Variants in TKFC observed in about 807,000 individuals in gnomAD.
The protein encoded by TKFC is triokinase and FMN cyclase.
Under a neutral mutation model 61.0 loss-of-function variants are expected in TKFC, and 46 were observed. That is an observed-to-expected ratio of 0.75 (90% CI 0.60 to 0.96). The LOEUF (loss-of-function observed/expected upper bound fraction) is 0.96, where lower values mean the gene tolerates loss of function less well. Among genes scored for constraint, TKFC ranks in the 50% least tolerant of loss-of-function variants. The probability of loss-of-function intolerance (pLI) is 0.00; values close to 1 mark genes in which losing one functional copy is unlikely to be tolerated. For missense variants in TKFC, 715 were observed against 777.5 expected (o/e 0.92, Z 0.96); for synonymous variants, 314 against 330.1 (o/e 0.95, Z 0.53).
rs747273345 is a variant in TKFC at position 61,341,537 on chromosome 11, G to A, written c.565+23G>A. Reference sequence around the variant, plus strand: ...TGGGTGAGTGCTGGCCTGGGAGCTGGGGAAGAGAGTGGGGAAGGTTGGACA... The same window carrying A: ...TGGGTGAGTGCTGGCCTGGGAGCTGAGGAAGAGAGTGGGGAAGGTTGGACA... On this transcript the variant is annotated intron_variant, in intron 6 of 17. Coordinates refer to ENST00000394900, the MANE Select transcript of TKFC (RefSeq NM_015533.4). The A allele has an allele frequency of 5.2e-6, 8 of 1,553,062 alleles. 1 individual carries two copies. The South Asian group carries it at 9.5e-5, about 18-fold the overall frequency.
rs565269461 is a variant in TKFC, at chr11:61,333,337, A to G, written c.-110+8A>G. 4 of 180,762 alleles carry G rather than the reference A, an allele frequency of 2.2e-5. No homozygotes were observed. The highest frequency in any genetic ancestry group is 4.6e-5 in the Non-Finnish European group (4 of 86,948). The allele number at this position is 180,762 out of a possible 1,614,324, so 11.2% of individuals were successfully genotyped here. Reference sequence around the variant, plus strand: ...CGTGAGCCGGCGGGGGAGGTGCGCCAGTGTCCTCCGAGCTCGCCCGCAGAC... The same window carrying G: ...CGTGAGCCGGCGGGGGAGGTGCGCCGGTGTCCTCCGAGCTCGCCCGCAGAC... On this transcript the variant is annotated splice_region_variant and intron_variant, in intron 1 of 17. Coordinates refer to ENST00000394900, the MANE Select transcript of TKFC (RefSeq NM_015533.4).
chr11:61,336,795 G>A (rs774757646), intron 2 of TKFC, among the ~76,000 whole-genome samples: 10 of 152,078 alleles, frequency 6.6e-5, no homozygotes, highest in Non-Finnish European at 1.3e-4. Context: ...CCCTCCACCA[G>A]CCTGTCCACA....
rs1300990644 is a variant in TKFC, at chr11:61,346,060, T to G, written c.1575+114T>G. ...CTTCCTGGACCGCAGTTTCCTTCTCTGTACAATGGAGATGAGCACCTATCT... is the reference window on the plus strand; with the variant it reads ...CTTCCTGGACCGCAGTTTCCTTCTCGGTACAATGGAGATGAGCACCTATCT... On this transcript the variant is annotated intron_variant, in intron 17 of 17. Transcript: ENST00000394900. This position sits in a 1 kb window ranked among gnomAD's most constrained non-coding sequence, Gnocchi z 4.1. 1.6e-6 allele frequency: 2 copies of G among 1,222,926 alleles called. No individual in the cohort carries two copies. Among genetic ancestry groups the G allele is most frequent in the African/African-American group, 3.0e-5 (2 of 66,266 alleles). The allele number at this position is 1,222,926 out of a possible 1,614,324, so 75.8% of individuals were successfully genotyped here.
downstream of TKFC, chr11:61,352,989 T>C (rs781013959): frequency 1.4e-5 from 23 of 1,613,978 alleles, no homozygotes; most frequent in Non-Finnish European, 1.8e-5. Context: ...ACTCACAAAC[T>C]GAAGAAAAGC....
At chr11:61,350,000 G>A (rs1857322419), downstream of TKFC, 1 of 469,924 alleles carries the variant, frequency 2.1e-6, no homozygotes, top group Admixed American at 3.4e-5. Context: ...CTTCAGACAG[G>A]AGCAGCAAGA....
downstream of TKFC, chr11:61,351,251 G>GTCC (rs1025773204): frequency 3.0e-4 from 368 of 1,223,594 alleles, no homozygotes; most frequent in Non-Finnish European, 3.7e-4. Flanking sequence ...ACCTTCCCGG[G>GTCC]TCCATATGTG....
In TKFC at chr11:61,341,911, G is replaced by A. The variant is rs1309704299; in HGVS notation, c.654G>A (p.Leu218=). 1 of 1,611,624 alleles carries A rather than the reference G, an allele frequency of 6.2e-7. No individual in the cohort carries two copies. The highest frequency in any genetic ancestry group is 8.5e-7 in the Non-Finnish European group (1 of 1,178,616). The part of the protein sequence containing the change: ...ELSADEVELG[L]GIHGEAGVRR... ...CAGCCGACGAGGTGGAGCTGGGCCT[G>A]GGTAAGCTTGTGGCCATCCATCCCA... is the stretch of plus-strand genomic sequence containing the variant. Residue 218 remains leucine, a splice_region_variant and synonymous_variant, in exon 7 of 18, where the codon CTG becomes CTA. Transcript: ENST00000394900.
intron 3 of TKFC, 91 bp downstream of exon 3, chr11:61,338,221 G>T: frequency 1.6e-6 from 2 of 1,283,162 alleles, no homozygotes; most frequent in Admixed American, 3.1e-5. Context: ...GCAGGATGGA[G>T]CTCAGCCCAG....
chr11:61,334,917 G>A (rs1442393173), intron 2 of TKFC, among the ~76,000 whole-genome samples, 186 bp downstream of exon 2: 1 of 152,178 alleles, frequency 6.6e-6, no homozygotes, highest in Non-Finnish European at 1.5e-5. Context: ...TTTCCTGGAG[G>A]CTGCTGGTCC....
In TKFC at chr11:61,347,641, C is replaced by T. The variant is rs895618879; in HGVS notation, c.*1138C>T. 6 of 985,170 alleles carry T rather than the reference C, an allele frequency of 6.1e-6. No homozygotes were observed. In the African/African-American group the frequency reaches 1.0e-4, roughly 17 times the overall value. 61.0% of individuals were successfully genotyped at this position (985,170 alleles called of 1,614,324 possible). ...CCAGGGTGAGCAGGGGCACTGTATG[C>T]ATGTGGAGACAAACAGCACATGCCT... On this transcript the variant is annotated 3_prime_UTR_variant, in exon 18 of 18. Transcript: ENST00000394900.
At position 61,346,135 on chromosome 11, in the gene TKFC, C is replaced by CT. The variant is rs1590581823; in HGVS notation, c.1575+190dup. 4.9e-6 allele frequency: 6 copies of CT among 1,233,264 alleles called. No homozygotes were observed. In the East Asian group the frequency reaches 1.5e-4, roughly 31 times the overall value. 76.4% of individuals were successfully genotyped at this position (1,233,264 alleles called of 1,614,324 possible). A position where few individuals can be genotyped will look rare whatever the true frequency, so the allele number is the denominator to read the frequency against. On this transcript the variant is annotated intron_variant, in intron 17 of 17. Coordinates refer to ENST00000394900, the MANE Select transcript of TKFC (RefSeq NM_015533.4). The surrounding 1 kb of genome is among the most constrained non-coding windows in gnomAD (Gnocchi z 4.1). ...AAATATGTAGAGCCCCGCACACTGC[C>CT]TGGGATGTGACAGGGCCTCAGTGAA...
chr11:61,352,039 C>A (rs1034760862), downstream of TKFC: 3 of 152,186 alleles, frequency 2.0e-5, no homozygotes, highest in Non-Finnish European at 2.9e-5. Flanking sequence ...CTGTAATAAT[C>A]CTTTTACCCA....
chr11:61,341,805 A>T lies in TKFC; in HGVS notation c.566-18A>T. 1.2e-6 allele frequency: 2 copies of T among 1,609,578 alleles called. No individual in the cohort carries two copies. The highest frequency in any genetic ancestry group is 2.2e-5 in the East Asian group (1 of 44,852). ...CTAAGAGTGGAACAGTCATCCCTTCATGCCTTGTTTCTCATAGGTACCCTG... is the reference window on the plus strand; with the variant it reads ...CTAAGAGTGGAACAGTCATCCCTTCTTGCCTTGTTTCTCATAGGTACCCTG... On this transcript the variant is annotated intron_variant, in intron 6 of 17. Transcript: ENST00000394900.
downstream of TKFC, chr11:61,351,256 TATGTGATC>T: frequency 8.4e-7 from 1 of 1,187,606 alleles, no homozygotes; most frequent in Non-Finnish European, 1.1e-6. Flanking sequence ...CCCGGGTCCA[TATGTGATC>T]TAGAATTTTA....
chr11:61,349,344 C>A, downstream of TKFC: 1 of 559,570 alleles, frequency 1.8e-6, no homozygotes, highest in African/African-American at 1.9e-5. Context: ...GGCTGCTGCA[C>A]ACTGGACACC....
chr11:61,345,476 C>G lies in TKFC; in HGVS notation c.1362C>G (p.Phe454Leu), dbSNP rs768527391. The part of the protein sequence containing the change: ...GGSSGALYGL[F>L]LTAAAQPLKA... ...ATCTTCCCCAGCTCTATGGCCTGTT[C>G]CTGACTGCGGCTGCACAGCCCCTGA... Residue 454 changes from phenylalanine to leucine, a missense_variant, in exon 15 of 18, where the codon TTC becomes TTG. Transcript: ENST00000394900. 3.1e-6 allele frequency: 5 copies of G among 1,613,232 alleles called. No individual in the cohort carries two copies. The South Asian group carries it at 3.3e-5, about 11-fold the overall frequency.
downstream of TKFC, chr11:61,350,782 GGACA>G (rs1461544504): frequency 1.5e-6 from 1 of 675,972 alleles, no homozygotes; most frequent in Non-Finnish European, 2.4e-6. Context: ...GTCTCCCAAT[GGACA>G]GACTGGGGAG....
At chr11:61,333,994 C>T (rs1856497924) in intron 1 of TKFC, 1 of 152,434 alleles carries the variant, frequency 6.6e-6, no homozygotes, top group Non-Finnish European at 1.5e-5. Flanking sequence ...GAGGCCAACA[C>T]GCTGCTGAAC....
At position 61,333,984 on chromosome 11, in the gene TKFC, G is replaced by C. The variant is rs188603589; in HGVS notation, c.-109-636G>C. On this transcript the variant is annotated intron_variant, in intron 1 of 17. Coordinates refer to ENST00000394900, the MANE Select transcript of TKFC (RefSeq NM_015533.4). Reference sequence around the variant, plus strand: ...ATTCTTCCTATTGTGCACCCACACAGAGGCCAACACGCTGCTGAACCAGGC... The same window carrying C: ...ATTCTTCCTATTGTGCACCCACACACAGGCCAACACGCTGCTGAACCAGGC... 6 of 152,546 alleles carry C rather than the reference G, an allele frequency of 3.9e-5. No homozygotes were observed. The East Asian group carries it at 5.8e-4, about 15-fold the overall frequency. The allele number at this position is 152,546 out of a possible 1,614,324, so 9.4% of individuals were successfully genotyped here.
Sources: gnomAD v4.1 joint callset for allele counts (sites outside exome capture counted in the v4.1 genomes callset) on GRCh38, gnomAD v4.1.1 for gene constraint, Gnocchi (gnomAD v3.1) non-coding constraint, MANE v1.5 for transcripts, NCBI Gene and HGNC (gene_info 2026-07-23, HGNC 2026-07-21) for gene names.